Variants in RNF6 observed in about 807,000 individuals in gnomAD.
The protein encoded by RNF6 is E3 ubiquitin-protein ligase RNF6.
RNF6 carries 21 observed loss-of-function variants against 50.1 expected under a neutral mutation model. The ratio of observed to expected loss-of-function variants is 0.42; its 90% CI spans 0.30 to 0.60. RNF6 has a LOEUF of 0.60. Ranked by LOEUF, RNF6 falls within the 20% of genes least tolerant of loss-of-function variation. The pLI is 0.20. For synonymous variants in RNF6, 255 were observed against 291.8 expected, an observed-to-expected ratio of 0.87 and a Z score of 1.29; for missense variants, 698 against 838.2, an observed-to-expected ratio of 0.83 and a Z score of 2.07.
intron 5 of RNF6, among the ~76,000 whole-genome samples, chr13:26,176,466 C>T (rs2137647159): frequency 6.6e-6 from 1 of 152,320 alleles, no homozygotes; most frequent in South Asian, 2.1e-4. Context: ...CCAGTCTCGT[C>T]TTTAAAGACT....
chr13:26,204,365 C>T (rs1869014384), intron 5 of RNF6, among the ~76,000 whole-genome samples: 1 of 151,478 alleles, frequency 6.6e-6, no homozygotes, highest in Non-Finnish European at 1.5e-5. Context: ...GGCATGGTGG[C>T]GGGCGCCTGT....
chr13:26,133,345 G>A (rs920146505), intron 5 of RNF6, among the ~76,000 whole-genome samples: 4 of 152,142 alleles, frequency 2.6e-5, no homozygotes, highest in African/African-American at 7.2e-5. Flanking sequence ...TCTTTTGGTT[G>A]GCTCGGCTTG....
intron 5 of RNF6, among the ~76,000 whole-genome samples, chr13:26,159,531 A>T (rs2137605302): frequency 6.6e-6 from 1 of 152,254 alleles, no homozygotes; most frequent in Admixed American, 6.5e-5. Flanking sequence ...AGGCTGAGGC[A>T]GGAGAATGGC....
At chr13:26,187,267 T>C (rs928829474) in intron 5 of RNF6, among the ~76,000 whole-genome samples, 1 of 147,472 alleles carries the variant, frequency 6.8e-6, no homozygotes, top group African/African-American at 2.4e-5. Context: ...AGGAGACGAA[T>C]AGAAAGGGGG....
At chr13:26,188,894 A>C (rs1411361277) in intron 5 of RNF6, among the ~76,000 whole-genome samples, 3 of 151,782 alleles carry the variant, frequency 2.0e-5, no homozygotes, top group Admixed American at 6.6e-5. Context: ...TCCCAAAGTG[A>C]TGGGATTACA....
chr13:26,215,066 C>A lies in RNF6; in HGVS notation c.816G>T (p.Gly272=), dbSNP rs888475813. ...SGGSELRQRE[G]QRFGAAHVWE... Reference sequence around the variant, plus strand: ...AAACATGTGCTGCTCCAAACCGTTGCCCCTCCCTTTGCCTGAGTTCACTAC... The same window carrying A: ...AAACATGTGCTGCTCCAAACCGTTGACCCTCCCTTTGCCTGAGTTCACTAC... The change falls in exon 5 of 5, where the codon GGG becomes GGT. Residue 272 remains glycine (G), a synonymous_variant. Coordinates refer to ENST00000381588, the MANE Select transcript of RNF6 (RefSeq NM_005977.4). 1 of 1,614,076 alleles carries A rather than the reference C, an allele frequency of 6.2e-7. No homozygotes were observed. Among genetic ancestry groups the A allele is most frequent in the African/African-American group, 1.3e-5 (1 of 74,934 alleles).
In RNF6 at chr13:26,214,631, A is replaced by C. The variant is rs1332259880; in HGVS notation, c.1251T>G (p.Ile417Met). ...CTACTCTGGATCGAGTTCTATTTGC[A>C]ATACTATCCCGATCTCTATTTTCTC... is the stretch of plus-strand genomic sequence containing the variant. ...RPGENRDRDSIANRTRSRVGL... is the reference protein window; with the variant it reads ...RPGENRDRDSMANRTRSRVGL... Residue 417 changes from isoleucine to methionine, a missense_variant, in exon 5 of 5, where the codon ATT becomes ATG. Ile to Met is a conservative substitution (Grantham distance 10). Coordinates refer to ENST00000381588, the MANE Select transcript of RNF6 (RefSeq NM_005977.4). The C allele has an allele frequency of 6.2e-7, 1 of 1,614,228 alleles. No individual in the cohort carries two copies. Among genetic ancestry groups the C allele is most frequent in the Non-Finnish European group, 8.5e-7 (1 of 1,180,030 alleles).
intron 5 of RNF6, among the ~76,000 whole-genome samples, chr13:26,165,549 G>T (rs1033808406): frequency 3.9e-5 from 6 of 152,348 alleles, no homozygotes; most frequent in Admixed American, 2.6e-4. Context: ...GCCAACCCAT[G>T]AAAGCAGCTA....
intron 5 of RNF6, among the ~76,000 whole-genome samples, chr13:26,177,898 A>G (rs1873037739): frequency 6.6e-6 from 1 of 152,194 alleles, no homozygotes; most frequent in African/African-American, 2.4e-5. Context: ...TAAAAACACT[A>G]CTGTCAACTG....
chr13:26,175,708 A>G (rs1443076087), intron 5 of RNF6, among the ~76,000 whole-genome samples: 6 of 152,176 alleles, frequency 3.9e-5, no homozygotes, highest in African/African-American at 9.6e-5. Flanking sequence ...GGAGTGAGAG[A>G]GTAACAGGAA....
At chr13:26,147,180 C>A (rs1169773246) in intron 5 of RNF6, among the ~76,000 whole-genome samples, 1 of 152,192 alleles carries the variant, frequency 6.6e-6, no homozygotes, top group Non-Finnish European at 1.5e-5. Context: ...TGTTCCCCAG[C>A]TTTCTGCCTG....
chr13:26,145,574 G>A (rs1248351887), intron 5 of RNF6, among the ~76,000 whole-genome samples: 1 of 152,018 alleles, frequency 6.6e-6, no homozygotes, highest in African/African-American at 2.4e-5. Context: ...TGTGTAAGAT[G>A]TGTTGGCTTC....
intron 5 of RNF6, among the ~76,000 whole-genome samples, chr13:26,183,238 A>G (rs1198204514): frequency 2.2e-4 from 33 of 152,238 alleles, no homozygotes; most frequent in Admixed American, 2.2e-3. Flanking sequence ...TTGCTTTCAA[A>G]TGGGAAAAAC....
chr13:26,201,300 C>T (rs1868888704), intron 5 of RNF6, among the ~76,000 whole-genome samples: 1 of 152,144 alleles, frequency 6.6e-6, no homozygotes, highest in Non-Finnish European at 1.5e-5. Flanking sequence ...ACCACATGAC[C>T]CATGGGAGCC....
intron 1 of RNF6, chr13:26,221,620 C>A (rs1053326230): frequency 1.3e-5 from 2 of 152,208 alleles, no homozygotes; most frequent in Admixed American, 1.3e-4. Flanking sequence ...TCGGATGTTA[C>A]CAGGGTTAGG....
chr13:26,149,024 T>A (rs145875675), intron 5 of RNF6: 1 of 152,160 alleles, frequency 6.6e-6, no homozygotes, highest in East Asian at 1.9e-4. Context: ...TGGAGTATGG[T>A]CTTCTTTATT....
chr13:26,203,480 C>T (rs966352750), intron 5 of RNF6, among the ~76,000 whole-genome samples: 1 of 152,230 alleles, frequency 6.6e-6, no homozygotes, highest in Non-Finnish European at 1.5e-5. Context: ...CTTAAGAGAA[C>T]CTGCTGTGAG....
At chr13:26,160,034 C>T (rs2137606376) in intron 5 of RNF6, among the ~76,000 whole-genome samples, 1 of 152,226 alleles carries the variant, frequency 6.6e-6, no homozygotes, top group East Asian at 1.9e-4. Flanking sequence ...ATCATTTCTA[C>T]TCACTGAAAA....
chr13:26,159,518 G>C (rs1005324783), intron 5 of RNF6, among the ~76,000 whole-genome samples: 3 of 151,978 alleles, frequency 2.0e-5, no homozygotes, highest in African/African-American at 7.3e-5. Flanking sequence ...CCAGCTACTC[G>C]GGAGGCTGAG....
Sources: gnomAD v4.1 joint callset for allele counts (sites outside exome capture counted in the v4.1 genomes callset) on GRCh38, gnomAD v4.1.1 for gene constraint, MANE v1.5 for transcripts, NCBI Gene and HGNC (gene_info 2026-07-23, HGNC 2026-07-21) for gene names.